DPYD: variants seen among roughly 807,000 people sequenced by gnomAD.
DPYD encodes the protein dihydropyrimidine dehydrogenase.
Under a neutral mutation model 116.2 loss-of-function variants are expected in DPYD, and 109 were observed. The ratio of observed to expected loss-of-function variants is 0.94; its 90% CI spans 0.80 to 1.10. DPYD has a LOEUF of 1.10. Ranked by LOEUF, DPYD falls within the 50% of genes least tolerant of loss-of-function variation. The pLI, the probability that DPYD is intolerant of heterozygous loss-of-function variation, is 0.00. For missense variants in DPYD, 1,302 were observed against 1,254.5 expected (o/e 1.04, Z -0.57); for synonymous variants, 440 against 432.0 (o/e 1.02, Z -0.23).
chr1:97,082,435 T>A lies in DPYD; in HGVS notation c.2802A>T (p.Thr934=), dbSNP rs377152743. The change falls in exon 22 of 23, where the codon ACA becomes ACT. Residue 934 remains threonine (T), a synonymous_variant. Transcript: ENST00000370192. The stretch of plus-strand genomic sequence containing the variant: ...GCTCTACGTTGCTCAATTCACCAAA[T>A]GTTCCAAGGTACTGCAGTGCTTTTC... ...VIGKALQYLG[T]FGELSNVEQV... 11 of 1,613,546 alleles carry A rather than the reference T, an allele frequency of 6.8e-6. No homozygotes were observed. The highest frequency in any genetic ancestry group is 1.6e-4 in the Middle Eastern group (1 of 6,080).
chr1:97,414,447 G>C (rs1304299339), intron 14 of DPYD, among the ~76,000 whole-genome samples: 2 of 152,116 alleles, frequency 1.3e-5, no homozygotes, highest in Non-Finnish European at 2.9e-5. Flanking sequence ...TTAATTAGTG[G>C]CTACATTTCA....
intron 12 of DPYD, among the ~76,000 whole-genome samples, chr1:97,548,537 G>C (rs997091501): frequency 1.1e-4 from 16 of 152,088 alleles, no homozygotes; most frequent in Non-Finnish European, 1.5e-5. Flanking sequence ...AGGAGTTTGA[G>C]ACCAGCTTGG....
chr1:97,642,204 T>A (rs193003340), intron 8 of DPYD, among the ~76,000 whole-genome samples: 111 of 152,182 alleles, frequency 7.3e-4, no homozygotes, highest in African/African-American at 2.6e-3. Flanking sequence ...GCGATCCTCA[T>A]CAAGCTACCA....
intron 13 of DPYD, among the ~76,000 whole-genome samples, chr1:97,499,007 C>T (rs970152519): frequency 7.2e-4 from 109 of 151,466 alleles, no homozygotes; most frequent in Middle Eastern, 3.4e-3. Flanking sequence ...TTATGTAAAC[C>T]TTTATAACTT....
intron 20 of DPYD, among the ~76,000 whole-genome samples, chr1:97,120,493 C>T (rs994138436): frequency 1.3e-5 from 2 of 152,102 alleles, no homozygotes; most frequent in African/African-American, 2.4e-5. Context: ...GTAATAAATC[C>T]TTCTCCTGAC....
chr1:97,488,680 G>A (rs961525969), intron 13 of DPYD, among the ~76,000 whole-genome samples: 4 of 152,168 alleles, frequency 2.6e-5, no homozygotes, highest in African/African-American at 9.7e-5. Context: ...GGCCAGGGCA[G>A]AAGCAGCTTT....
intron 3 of DPYD, among the ~76,000 whole-genome samples, chr1:97,782,584 T>C (rs1364656650): frequency 6.6e-6 from 1 of 152,188 alleles, no homozygotes; most frequent in Admixed American, 6.5e-5. Context: ...TGTATTCTAA[T>C]TTTATTCATT....
At chr1:97,848,101 C>A (rs970711931) in intron 2 of DPYD, among the ~76,000 whole-genome samples, 1 of 151,812 alleles carries the variant, frequency 6.6e-6, no homozygotes, top group Non-Finnish European at 1.5e-5. Context: ...GAGAAAATAT[C>A]ACTTCTTTTT....
intron 10 of DPYD, among the ~76,000 whole-genome samples, chr1:97,575,431 A>T (rs568722488): frequency 2.6e-5 from 4 of 152,224 alleles, no homozygotes; most frequent in African/African-American, 7.2e-5. Context: ...AAATCTAAAG[A>T]TACTCCCAAA....
chr1:97,418,291 G>A (rs1674388224), intron 14 of DPYD, among the ~76,000 whole-genome samples: 1 of 148,302 alleles, frequency 6.7e-6, no homozygotes, highest in African/African-American at 2.5e-5. Flanking sequence ...TTCTAATTGA[G>A]ATAGATATAA....
At position 97,819,712 on chromosome 1, in the gene DPYD, A is replaced by G. The variant is rs140452658; in HGVS notation, c.233+8402T>C. Among the ~76,000 whole-genome samples the G allele has an allele frequency of 2.3e-3, 357 of 152,144 alleles. 2 individuals are homozygous for G. The highest frequency in any genetic ancestry group is 8.3e-3 in the African/African-American group (345 of 41,570). ...AATTTGCTAATCTCAAATACTTAGC[A>G]TGCCTTGTCCTTCCACTCTTCCATT... On this transcript the variant is annotated intron_variant, in intron 3 of 22. Coordinates refer to ENST00000370192, the MANE Select transcript of DPYD (RefSeq NM_000110.4).
chr1:97,623,024 T>C (rs1656718491), intron 8 of DPYD, among the ~76,000 whole-genome samples: 1 of 152,060 alleles, frequency 6.6e-6, no homozygotes, highest in African/African-American at 2.4e-5. Context: ...GCAAAAATTA[T>C]TTAAAACCAC....
intron 11 of DPYD, among the ~76,000 whole-genome samples, chr1:97,566,161 G>T (rs181552372): frequency 8.5e-5 from 13 of 152,210 alleles, no homozygotes; most frequent in Admixed American, 8.5e-4. Flanking sequence ...TCTGTTCTGT[G>T]CTTCCTCGGG....
intron 3 of DPYD, among the ~76,000 whole-genome samples, chr1:97,744,414 T>G (rs1397528290): frequency 6.6e-6 from 1 of 151,964 alleles, no homozygotes; most frequent in Non-Finnish European, 1.5e-5. Context: ...TCAATGAGTT[T>G]AAATGGCTGA....
Position 97,633,151 on chromosome 1 carries a change from A to G in DPYD, c.851-37985T>C, listed in dbSNP as rs143808816. Among the ~76,000 whole-genome samples the G allele has an allele frequency of 7.2e-5, 11 of 152,294 alleles. No homozygotes were observed. The East Asian group carries it at 2.1e-3, about 29-fold the overall frequency. On this transcript the variant is annotated intron_variant, in intron 8 of 22. Coordinates refer to ENST00000370192, the MANE Select transcript of DPYD (RefSeq NM_000110.4). ...GAAAGGTGAACCTAAAATGTGAAGT[A>G]AACCATGTTTATAAGAATTTTGGGT...
intron 14 of DPYD, among the ~76,000 whole-genome samples, chr1:97,414,956 A>C (rs1202482327): frequency 6.6e-6 from 1 of 152,100 alleles, no homozygotes; most frequent in Non-Finnish European, 1.5e-5. Flanking sequence ...TTTTTAAAAA[A>C]CTCATTAACT....
At chr1:97,357,134 A>G (rs1350817751) in intron 16 of DPYD, among the ~76,000 whole-genome samples, 1 of 152,204 alleles carries the variant, frequency 6.6e-6, no homozygotes, top group Admixed American at 6.5e-5. Flanking sequence ...TAACAAACCA[A>G]TTCTTCTAAT....
chr1:97,522,162 CA>C (rs1648728746), intron 12 of DPYD, among the ~76,000 whole-genome samples: 1 of 152,174 alleles, frequency 6.6e-6, no homozygotes. Flanking sequence ...ATCCATCTGA[CA>C]AAGGGCTAAT....
intron 11 of DPYD, among the ~76,000 whole-genome samples, chr1:97,568,235 T>C (rs72732322): frequency 1.3e-3 from 191 of 152,256 alleles, no homozygotes; most frequent in Non-Finnish European, 2.3e-3. Context: ...TGATGAAGTA[T>C]TGATATTCAA....
Sources: gnomAD v4.1 joint callset for allele counts (sites outside exome capture counted in the v4.1 genomes callset) on GRCh38, gnomAD v4.1.1 for gene constraint, MANE v1.5 for transcripts, NCBI Gene and HGNC (gene_info 2026-07-23, HGNC 2026-07-21) for gene names.